PHYHD1: variants seen among roughly 807,000 people sequenced by gnomAD.
PHYHD1 encodes the protein phytanoyl-CoA dioxygenase domain-containing protein 1.
In PHYHD1, 42 loss-of-function variants were observed where a neutral mutation model predicts 43.6. The observed-to-expected ratio is 0.96, with a 90% CI of 0.75 to 1.25. The LOEUF is 1.25. PHYHD1 is among the 50% of genes most tolerant of loss of function. The pLI is 0.00. For missense variants in PHYHD1, 342 were observed against 370.8 expected (o/e 0.92, Z 0.64); for synonymous variants, 139 against 143.6 (o/e 0.97, Z 0.23).
chr9:128,937,028 T>C (rs879826064), intron 8 of PHYHD1, among the ~76,000 whole-genome samples: 7 of 152,022 alleles, frequency 4.6e-5, no homozygotes, highest in Non-Finnish European at 8.8e-5. Flanking sequence ...GGCAGGATAA[T>C]TGCTTGAACC....
At chr9:128,938,061 A>G (rs1841469947) in intron 9 of PHYHD1, 2 of 1,009,662 alleles carry the variant, frequency 2.0e-6, no homozygotes, top group African/African-American at 1.6e-5. Flanking sequence ...AATCCCAGCA[A>G]TTTGGAAGGC....
At chr9:128,927,440 A>G (rs563415232) in intron 4 of PHYHD1, among the ~76,000 whole-genome samples, 1 of 151,634 alleles carries the variant, frequency 6.6e-6, no homozygotes, top group Non-Finnish European at 1.5e-5. Context: ...CAGTGGCGCG[A>G]TCTCAGCTCA....
At position 128,940,680 on chromosome 9, in the gene PHYHD1, A is replaced by G. The variant is rs771139595; in HGVS notation, c.668A>G (p.Asp223Gly). Residue 223 changes from aspartate to glycine, a missense_variant, in exon 11 of 13, where the codon GAT (aspartate) becomes GGT (glycine). Coordinates refer to ENST00000372592, the MANE Select transcript of PHYHD1 (RefSeq NM_001100876.2). ...TTCCTTGGGTCAGAGCCAGCCCGGG[A>G]TAACAGCCTCTTTGTGCCCACCCCA... ...TSFLGSEPARDNSLFVPTPVQ... is the reference protein window; with the variant it reads ...TSFLGSEPARGNSLFVPTPVQ... 1.2e-6 allele frequency: 2 copies of G among 1,613,924 alleles called. No individual in the cohort carries two copies. The highest frequency in any genetic ancestry group is 1.7e-6 in the Non-Finnish European group (2 of 1,180,024).
intron 3 of PHYHD1, among the ~76,000 whole-genome samples, chr9:128,925,137 G>C (rs1261605590): frequency 2.0e-5 from 3 of 152,088 alleles, no homozygotes; most frequent in Non-Finnish European, 1.5e-5. Context: ...AGCCAGAACT[G>C]AGCATCCCAT....
chr9:128,922,176 G>C (rs1181144645), intron 2 of PHYHD1, 107 bp from the exon 3 acceptor site: 9 of 850,524 alleles, frequency 1.1e-5, no homozygotes, highest in African/African-American at 8.7e-5. Context: ...GTCACAGGCT[G>C]ATCTGGCTGT....
At chr9:128,931,825 CCTTT>C (rs756634406) in intron 4 of PHYHD1, among the ~76,000 whole-genome samples, 62 of 139,542 alleles carry the variant, frequency 4.4e-4, no homozygotes, top group South Asian at 1.8e-3. Flanking sequence ...CCTCGCCCGG[CCTTT>C]CTTTCTTTCT....
intron 4 of PHYHD1, among the ~76,000 whole-genome samples, chr9:128,933,323 G>A (rs570163654): frequency 5.3e-5 from 8 of 151,402 alleles, no homozygotes; most frequent in Non-Finnish European, 8.8e-5. Context: ...GCTGTTTTTT[G>A]TATTTTTAGT....
At chr9:128,937,108 C>G (rs569163835) in intron 8 of PHYHD1, among the ~76,000 whole-genome samples, 200 of 151,948 alleles carry the variant, frequency 1.3e-3, no homozygotes, top group African/African-American at 4.7e-3. Flanking sequence ...GAGCAAGGCT[C>G]CGTCTCAAAA....
At chr9:128,932,172 A>G (rs866488758) in intron 4 of PHYHD1, among the ~76,000 whole-genome samples, 5 of 104,232 alleles carry the variant, frequency 4.8e-5, no homozygotes, top group African/African-American at 1.7e-4. Flanking sequence ...TATTATTGTT[A>G]TTATTATTAT....
chr9:128,925,698 T>C (rs1322733491), intron 3 of PHYHD1, among the ~76,000 whole-genome samples: 1 of 152,062 alleles, frequency 6.6e-6, no homozygotes, highest in African/African-American at 2.4e-5. Flanking sequence ...GCGCTCAGGA[T>C]AGAATATAGC....
chr9:128,938,452 A>G (rs1024346722), intron 9 of PHYHD1, among the ~76,000 whole-genome samples: 1 of 152,040 alleles, frequency 6.6e-6, no homozygotes, highest in South Asian at 2.1e-4. Flanking sequence ...ACAGAGTTTC[A>G]TTCTTGTCAC....
chr9:128,940,212 C>G (rs1465560301), intron 9 of PHYHD1, among the ~76,000 whole-genome samples, 157 bp from the exon 10 acceptor site: 1 of 152,104 alleles, frequency 6.6e-6, no homozygotes, highest in Admixed American at 6.6e-5. Flanking sequence ...AAATCGCTTG[C>G]CTTAGAGTCC....
At chr9:128,922,936 C>CTTTTTT (rs59238657) in intron 3 of PHYHD1, among the ~76,000 whole-genome samples, 2 of 90,658 alleles carry the variant, frequency 2.2e-5, no homozygotes, top group Non-Finnish European at 4.2e-5. Context: ...ATGCCCAGCT[C>CTTTTTT]TTTTTTTTTT....
intron 6 of PHYHD1, among the ~76,000 whole-genome samples, chr9:128,935,560 A>AC (rs1841403478): frequency 4.8e-5 from 7 of 145,746 alleles, no homozygotes; most frequent in African/African-American, 1.8e-4. Flanking sequence ...CTCTGTCTCA[A>AC]AAAAAAAAAA....
At chr9:128,924,703 A>G (rs575680145) in intron 3 of PHYHD1, among the ~76,000 whole-genome samples, 1 of 151,916 alleles carries the variant, frequency 6.6e-6, no homozygotes, top group Non-Finnish European at 1.5e-5. Context: ...GGGAGTCCGA[A>G]GTGAGTGGAT....
At chr9:128,937,721 C>T (rs1841460030) in intron 8 of PHYHD1, 36 bp from the exon 9 acceptor site, 5 of 1,613,544 alleles carry the variant, frequency 3.1e-6, no homozygotes, top group Middle Eastern at 1.7e-4. Context: ...TCTCTGCTCT[C>T]TTCTGTCCTC....
chr9:128,940,336 G>A, intron 9 of PHYHD1, 33 bp from the exon 10 acceptor site: 1 of 1,612,052 alleles, frequency 6.2e-7, no homozygotes. Context: ...CAGGCAAAAG[G>A]ATGAGCTCCT....
At position 128,942,009 on chromosome 9, in the gene PHYHD1, G is replaced by T; in HGVS notation, c.*296G>T. ...TGGAACTCTGGTTATTATGGTGTTA[G>T]TTATCGAATAAAAACGACTTCAGAA... On this transcript the variant is annotated 3_prime_UTR_variant, in exon 13 of 13. Transcript: ENST00000372592. The T allele has an allele frequency of 2.2e-6, 1 of 464,500 alleles. No individual in the cohort carries two copies. The highest frequency in any genetic ancestry group is 3.4e-5 in the East Asian group (1 of 29,190). The allele number at this position is 464,500 out of a possible 1,614,324, so 28.8% of individuals were successfully genotyped here. A position where few individuals can be genotyped will look rare whatever the true frequency, so the allele number is the denominator to read the frequency against.
At chr9:128,926,374 C>T (rs771413162) in intron 3 of PHYHD1, among the ~76,000 whole-genome samples, 2 of 151,418 alleles carry the variant, frequency 1.3e-5, no homozygotes, top group African/African-American at 2.4e-5. Flanking sequence ...CTCAGCCTCC[C>T]GAGGAGCTGG....
Sources: allele counts gnomAD v4.1 joint callset (sites outside exome capture counted in the v4.1 genomes callset), GRCh38; gene constraint gnomAD v4.1.1; transcripts MANE v1.5; gene names NCBI Gene and HGNC (gene_info 2026-07-23, HGNC 2026-07-21).